SMIM32: variants seen among roughly 807,000 people sequenced by gnomAD.
SMIM32 encodes the protein small integral membrane protein 32.
Under a neutral mutation model 1.6 loss-of-function variants are expected in SMIM32, and 1 was observed. The ratio of observed to expected loss-of-function variants is 0.64; its 90% confidence interval spans 0.23 to 3.02. The LOEUF (loss-of-function observed/expected upper bound fraction) is 3.02, where lower values mean the gene tolerates loss of function less well. Among genes scored for constraint, SMIM32 ranks in the 30% most tolerant of loss-of-function variants. The pLI, the probability that SMIM32 is intolerant of heterozygous loss-of-function variation, is 0.21. For synonymous variants in SMIM32, 53 were observed against 31.3 expected (o/e 1.69, Z -2.31); for missense variants, 99 against 60.5 (o/e 1.64, Z -2.11).
chr5:136,191,722 T>A lies in SMIM32; in HGVS notation c.*491A>T, dbSNP rs1754820647. The A allele has an allele frequency of 6.5e-6, 1 of 153,692 alleles. No homozygotes were observed. Among genetic ancestry groups the A allele is most frequent in the Non-Finnish European group, 1.4e-5 (1 of 69,266 alleles). 9.5% of individuals were successfully genotyped at this position (153,692 alleles called of 1,614,324 possible). A position where few individuals can be genotyped will look rare whatever the true frequency, so the allele number is the denominator to read the frequency against. ...GATCCTAGTGGGGTCCTCCTCGGTG[T>A]CAAGGAGCAAGAGAGGCCGTAGCAG... is the stretch of plus-strand genomic sequence containing the variant. On this transcript the variant is annotated 3_prime_UTR_variant, in exon 1 of 1. Coordinates refer to ENST00000607574, the MANE Select transcript of SMIM32 (RefSeq NM_001350994.2).
Sources: allele counts gnomAD v4.1 joint callset, GRCh38; gene constraint gnomAD v4.1.1; transcripts MANE v1.5; gene names NCBI Gene and HGNC (gene_info 2026-07-23, HGNC 2026-07-21).